MALRD1: variants seen among roughly 807,000 people sequenced by gnomAD.
MALRD1 encodes MAM and LDL-receptor class A domain-containing protein 1.
A neutral mutation model predicts 242.1 loss-of-function variants in MALRD1; 247 were observed. The ratio of observed to expected loss-of-function variants is 1.02; its 90% CI spans 0.92 to 1.13. MALRD1 has a LOEUF of 1.13. Ranked by LOEUF, MALRD1 falls within the 50% of genes most tolerant of loss-of-function variation. MALRD1 has a pLI of 0.00. For synonymous variants in MALRD1, 995 were observed against 866.6 expected, an observed-to-expected ratio of 1.15 and a Z score of -2.60; for missense variants, 2,989 against 2,533.1, an observed-to-expected ratio of 1.18 and a Z score of -3.86.
Position 19,716,910 on chromosome 10 carries a change from CA to C in MALRD1, c.6315-13790del, listed in dbSNP as rs142211788. On this transcript the variant is annotated intron_variant, in intron 38 of 39. Transcript: ENST00000454679. ...TTCATTCTGCAATATAGCAAAAAAACAAAAAACAAAACAAAAAAGAAACCCC... is the reference window on the plus strand; with the variant it reads ...TTCATTCTGCAATATAGCAAAAAAACAAAAACAAAACAAAAAAGAAACCCC... The C allele has an allele frequency of 2.0e-5, 3 of 152,124 alleles. No individual in the cohort carries two copies. The East Asian group carries it at 5.8e-4, about 29-fold the overall frequency. 9.4% of individuals were successfully genotyped at this position (152,124 alleles called of 1,614,324 possible).
At chr10:19,270,855 AT>A (rs1226581374) in intron 19 of MALRD1, among the ~76,000 whole-genome samples, 3 of 127,614 alleles carry the variant, frequency 2.4e-5, no homozygotes, top group African/African-American at 8.3e-5. Flanking sequence ...CACACACAAA[AT>A]AATATTATTT....
chr10:19,136,480 T>G (rs1833343698), intron 9 of MALRD1, 94 bp from the exon 10 acceptor site: 1 of 706,042 alleles, frequency 1.4e-6, no homozygotes, highest in Non-Finnish European at 2.0e-6. Flanking sequence ...AAACACTTTT[T>G]CTCAATAACT....
At chr10:19,595,626 G>C (rs780740197) in intron 34 of MALRD1, among the ~76,000 whole-genome samples, 169 bp downstream of exon 34, 2 of 152,164 alleles carry the variant, frequency 1.3e-5, no homozygotes, top group Non-Finnish European at 2.9e-5. Flanking sequence ...CCTTTGCTTA[G>C]TGTTTCCAGC....
At chr10:19,319,532 C>T (rs762415941) in intron 21 of MALRD1, among the ~76,000 whole-genome samples, 51 of 152,030 alleles carry the variant, frequency 3.4e-4, no homozygotes, top group African/African-American at 1.1e-3. Context: ...TGTTTTAGCC[C>T]ATTCAGGCTG....
At chr10:19,461,093 A>C (rs552735962) in intron 29 of MALRD1, among the ~76,000 whole-genome samples, 1 of 152,324 alleles carries the variant, frequency 6.6e-6, no homozygotes, top group South Asian at 2.1e-4. Flanking sequence ...TGAATAAGTG[A>C]CAATCAAGAC....
chr10:19,203,706 G>C (rs940365609), intron 14 of MALRD1, 22 bp from the exon 15 acceptor site: 2 of 1,507,738 alleles, frequency 1.3e-6, no homozygotes, highest in Non-Finnish European at 1.8e-6. Context: ...GCCAACATAA[G>C]AGCCACATTT....
chr10:19,151,141 A>C (rs529158626), intron 11 of MALRD1, among the ~76,000 whole-genome samples: 86 of 152,210 alleles, frequency 5.7e-4, no homozygotes, highest in African/African-American at 1.6e-3. Flanking sequence ...GTGTACAATG[A>C]TTTCTCATAT....
rs1372464626 is a variant in MALRD1 at position 19,688,785 on chromosome 10, G to A, written c.6138-3497G>A. Among the ~76,000 whole-genome samples, 3 of 152,210 alleles carry A rather than the reference G, an allele frequency of 2.0e-5. No individual in the cohort carries two copies. The South Asian group carries it at 6.2e-4, about 32-fold the overall frequency. ...CTGTTCTCAGCGTGCCATTAGAAGG[G>A]TTGGAAACTCACCCCTTTCAGGGAG... On this transcript the variant is annotated intron_variant, in intron 36 of 39. Coordinates refer to ENST00000454679, the MANE Select transcript of MALRD1 (RefSeq NM_001142308.3).
chr10:19,179,625 C>CA (rs1835412468), intron 14 of MALRD1, among the ~76,000 whole-genome samples: 1 of 151,670 alleles, frequency 6.6e-6, no homozygotes, highest in African/African-American at 2.4e-5. Flanking sequence ...CTGCCACCCC[C>CA]CCATAAAAAA....
chr10:19,086,841 G>T (rs548006132), intron 2 of MALRD1, among the ~76,000 whole-genome samples: 1 of 152,162 alleles, frequency 6.6e-6, no homozygotes, highest in South Asian at 2.1e-4. Context: ...CACAGGCTCA[G>T]AATGTTTCTG....
At chr10:19,222,085 C>T (rs1303414533) in intron 18 of MALRD1, among the ~76,000 whole-genome samples, 1 of 151,866 alleles carries the variant, frequency 6.6e-6, no homozygotes, top group Non-Finnish European at 1.5e-5. Flanking sequence ...TCCTTTATTC[C>T]TCCCTCCCTT....
chr10:19,176,943 C>T (rs1191905834), intron 14 of MALRD1, among the ~76,000 whole-genome samples: 5 of 151,358 alleles, frequency 3.3e-5, no homozygotes, highest in Admixed American at 1.3e-4. Context: ...TGATAGACAC[C>T]GAGGAGTGCA....
intron 19 of MALRD1, among the ~76,000 whole-genome samples, chr10:19,260,641 C>T (rs370045293): frequency 1.8e-4 from 27 of 152,190 alleles, no homozygotes; most frequent in African/African-American, 5.1e-4. Context: ...GCCATTCTTA[C>T]GTATTTTATT....
intron 38 of MALRD1, among the ~76,000 whole-genome samples, chr10:19,717,615 T>C (rs1209666069): frequency 6.6e-6 from 1 of 152,236 alleles, no homozygotes; most frequent in African/African-American, 2.4e-5. Flanking sequence ...AAATTAGTTT[T>C]GAATTTGTAG....
intron 35 of MALRD1, among the ~76,000 whole-genome samples, chr10:19,611,877 G>A (rs1438085725): frequency 6.6e-6 from 1 of 151,980 alleles, no homozygotes; most frequent in Non-Finnish European, 1.5e-5. Flanking sequence ...CTAAACAACA[G>A]GATTCACCTC....
chr10:19,716,778 C>A (rs2131889874), intron 38 of MALRD1: 1 of 152,246 alleles, frequency 6.6e-6, no homozygotes, highest in Middle Eastern at 3.4e-3. Context: ...GTCTATTTTT[C>A]ACTTTGAATG....
chr10:19,420,814 G>A (rs1833693474), intron 28 of MALRD1, among the ~76,000 whole-genome samples: 1 of 152,132 alleles, frequency 6.6e-6, no homozygotes, highest in African/African-American at 2.4e-5. Flanking sequence ...CGTCATCAGA[G>A]GCTCACAGCC....
chr10:19,451,134 ATTTG>A (rs1345543069), intron 29 of MALRD1, among the ~76,000 whole-genome samples: 2 of 152,196 alleles, frequency 1.3e-5, no homozygotes, highest in African/African-American at 4.8e-5. Flanking sequence ...TCCCTTCTGA[ATTTG>A]TTTTTCAACA....
chr10:19,623,504 A>G (rs1340335054), intron 36 of MALRD1, among the ~76,000 whole-genome samples: 1 of 152,118 alleles, frequency 6.6e-6, no homozygotes, highest in Non-Finnish European at 1.5e-5. Context: ...GCCATCTGCA[A>G]ATTGAAGAAC....
Sources: allele counts gnomAD v4.1 joint callset (sites outside exome capture counted in the v4.1 genomes callset), GRCh38; gene constraint gnomAD v4.1.1; transcripts MANE v1.5; gene names NCBI Gene and HGNC (gene_info 2026-07-23, HGNC 2026-07-21).